Variants in HECTD2 observed in about 807,000 individuals in gnomAD.
HECTD2 encodes the protein HECT domain E3 ubiquitin protein ligase 2.
Under a neutral mutation model 103.2 loss-of-function variants are expected in HECTD2, and 35 were observed. The ratio of observed to expected loss-of-function variants is 0.34; its 90% CI spans 0.26 to 0.45. The LOEUF is 0.45. Ranked by LOEUF, HECTD2 falls within the 20% of genes least tolerant of loss-of-function variation. The pLI is 1.00. For missense variants in HECTD2, 596 were observed against 937.4 expected (o/e 0.64, Z 4.76); for synonymous variants, 281 against 329.9 (o/e 0.85, Z 1.61).
At chr10:91,496,432 C>A in intron 15 of HECTD2, 60 bp downstream of exon 15, 1 of 1,180,606 alleles carries the variant, frequency 8.5e-7, no homozygotes, top group Non-Finnish European at 1.2e-6. Flanking sequence ...TTTCTACCTG[C>A]ACAGTCTCTC....
At chr10:91,434,257 G>C (rs936470058) in intron 2 of HECTD2, among the ~76,000 whole-genome samples, 1 of 151,702 alleles carries the variant, frequency 6.6e-6, no homozygotes, top group Non-Finnish European at 1.5e-5. Context: ...CACTTGTTAT[G>C]ACTAATCCAT....
chr10:91,431,240 G>A (rs988908341), intron 2 of HECTD2, among the ~76,000 whole-genome samples: 1 of 151,862 alleles, frequency 6.6e-6, no homozygotes, highest in Non-Finnish European at 1.5e-5. Flanking sequence ...AGTTTCTGCC[G>A]AGAGATCTGC....
At chr10:91,410,254 GCGCGGGGGCGGCCTCGGGCTCGCGCGC>G, upstream of HECTD2, 3 of 155,190 alleles carry the variant, frequency 1.9e-5, no homozygotes, top group Non-Finnish European at 4.2e-5. Context: ...GGGCTGGCGC[GCGCGGGGGCGGCCTCGGGCTCGCGCGC>G]AAAGGCGCGG....
Position 91,487,843 on chromosome 10 carries a change from A to T in HECTD2, c.1191+65A>T. ...CAGTATAGTAAATAATTTAATAAATAATTTAAATGTCTTGTGAATTGTTCT... is the reference window on the plus strand; with the variant it reads ...CAGTATAGTAAATAATTTAATAAATTATTTAAATGTCTTGTGAATTGTTCT... On this transcript the variant is annotated intron_variant, in intron 11 of 20. Transcript: ENST00000298068. This position sits in a 1 kb window ranked among gnomAD's most constrained non-coding sequence, Gnocchi z 4.1. 1 of 911,986 alleles carries T rather than the reference A, an allele frequency of 1.1e-6. No homozygotes were observed. Among genetic ancestry groups the T allele is most frequent in the Non-Finnish European group, 1.7e-6 (1 of 605,836 alleles). 56.5% of individuals were successfully genotyped at this position (911,986 alleles called of 1,614,324 possible).
At chr10:91,436,009 C>T (rs866829216) in intron 2 of HECTD2, among the ~76,000 whole-genome samples, 3 of 151,736 alleles carry the variant, frequency 2.0e-5, no homozygotes, top group Non-Finnish European at 4.4e-5. Context: ...AATTATTTCC[C>T]CTCTGAATCT....
intron 2 of HECTD2, among the ~76,000 whole-genome samples, chr10:91,454,583 T>C (rs1386886424): frequency 1.3e-5 from 2 of 151,860 alleles, no homozygotes; most frequent in African/African-American, 4.8e-5. Context: ...TCTTTTTTTT[T>C]TAATACTTTA....
chr10:91,430,396 C>T (rs1009421255), intron 2 of HECTD2, among the ~76,000 whole-genome samples: 9 of 151,976 alleles, frequency 5.9e-5, no homozygotes, highest in East Asian at 5.8e-4. Context: ...CTATTAGGTC[C>T]GCTTGGTGCA....
At chr10:91,420,936 A>G (rs1303705204) in intron 1 of HECTD2, among the ~76,000 whole-genome samples, 10 of 152,184 alleles carry the variant, frequency 6.6e-5, no homozygotes, top group African/African-American at 2.4e-4. Context: ...CAGCAATGCT[A>G]TGGGGACCAT....
At chr10:91,472,648 G>A (rs1432666870) in intron 5 of HECTD2, among the ~76,000 whole-genome samples, 1 of 152,098 alleles carries the variant, frequency 6.6e-6, no homozygotes, top group Non-Finnish European at 1.5e-5. Context: ...AAGAACATGA[G>A]CAGACACTTC....
chr10:91,476,511 G>A (rs889062569), intron 5 of HECTD2, among the ~76,000 whole-genome samples: 1 of 152,150 alleles, frequency 6.6e-6, no homozygotes, highest in Non-Finnish European at 1.5e-5. Flanking sequence ...AAGCCTCTAG[G>A]CTTCTCAGAA....
Position 91,425,587 on chromosome 10 carries a change from A to G in HECTD2, c.268+177A>G, listed in dbSNP as rs1003274049. ...TTTTTAGGTGAATGTTACCTAGAGT[A>G]AGAGAATGAAATACAAAACTCGTGA... On this transcript the variant is annotated intron_variant, in intron 2 of 20. Coordinates refer to ENST00000298068, the MANE Select transcript of HECTD2 (RefSeq NM_182765.6). Among the ~76,000 whole-genome samples, 11 of 151,724 alleles carry G rather than the reference A, an allele frequency of 7.3e-5. No homozygotes were observed. In the South Asian group the frequency reaches 2.3e-3, roughly 31 times the overall value.
intron 5 of HECTD2, chr10:91,463,439 AC>A (rs1845425226): frequency 6.6e-6 from 1 of 152,184 alleles, no homozygotes; most frequent in South Asian, 2.1e-4. Context: ...GCAGACTTGC[AC>A]AATTCAAGCC....
intron 9 of HECTD2, 116 bp downstream of exon 9, chr10:91,484,771 A>C: frequency 1.3e-6 from 1 of 744,634 alleles, no homozygotes; most frequent in Middle Eastern, 3.2e-4. Flanking sequence ...ATTTCTGTGA[A>C]GGAAAGAGTT....
At chr10:91,502,994 C>T (rs1312944196) in intron 20 of HECTD2, among the ~76,000 whole-genome samples, 1 of 152,110 alleles carries the variant, frequency 6.6e-6, no homozygotes, top group African/African-American at 2.4e-5. Flanking sequence ...GACAACACTC[C>T]AGCTGAAAGA....
intron 2 of HECTD2, among the ~76,000 whole-genome samples, chr10:91,453,002 A>G (rs1844903030): frequency 6.6e-6 from 1 of 152,176 alleles, no homozygotes; most frequent in Non-Finnish European, 1.5e-5. Context: ...AGGAAAGGGG[A>G]AAGAAGGTGA....
intron 5 of HECTD2, among the ~76,000 whole-genome samples, chr10:91,470,573 A>G (rs1355995280): frequency 1.3e-5 from 2 of 152,168 alleles, no homozygotes; most frequent in Non-Finnish European, 2.9e-5. Context: ...TTATAAATCT[A>G]AATGCCTACA....
intron 3 of HECTD2, 123 bp downstream of exon 3, chr10:91,460,688 CA>C: frequency 1.2e-6 from 1 of 839,134 alleles, no homozygotes; most frequent in Non-Finnish European, 1.7e-6. Context: ...AAGAGGACCT[CA>C]AAAGACTATA....
At chr10:91,435,981 A>G (rs1267203742) in intron 2 of HECTD2, among the ~76,000 whole-genome samples, 1 of 151,878 alleles carries the variant, frequency 6.6e-6, no homozygotes, top group African/African-American at 2.4e-5. Context: ...TTCTGCTGTT[A>G]TGCCTTTAAT....
intron 5 of HECTD2, chr10:91,462,511 G>A (rs1263693324): frequency 4.6e-6 from 5 of 1,093,450 alleles, no homozygotes; most frequent in Non-Finnish European, 4.5e-6. Context: ...TTAAACATTA[G>A]CCTGTATCAG....
Sources: gnomAD v4.1 joint callset for allele counts (sites outside exome capture counted in the v4.1 genomes callset) on GRCh38, gnomAD v4.1.1 for gene constraint, Gnocchi (gnomAD v3.1) non-coding constraint, MANE v1.5 for transcripts, NCBI Gene and HGNC (gene_info 2026-07-23, HGNC 2026-07-21) for gene names.